Variants in UNC93A observed in about 807,000 individuals in gnomAD.
UNC93A encodes the protein N-acetylglucosamine transporter UNC93A.
In UNC93A, 43 loss-of-function variants were observed where a neutral mutation model predicts 47.5. That is an observed-to-expected ratio of 0.91 (90% confidence interval 0.71 to 1.17). The LOEUF (loss-of-function observed/expected upper bound fraction) is 1.17. UNC93A is among the 50% of genes most tolerant of loss of function. UNC93A has a pLI of 0.00. For missense variants in UNC93A, 605 were observed against 577.6 expected, an observed-to-expected ratio of 1.05 and a Z score of -0.49; for synonymous variants, 280 against 258.0, an observed-to-expected ratio of 1.09 and a Z score of -0.82.
chr6:167,304,189 C>G, intron 5 of UNC93A, 56 bp downstream of exon 5: 2 of 1,591,864 alleles, frequency 1.3e-6, no homozygotes, highest in South Asian at 2.2e-5. Flanking sequence ...CACTGCCTTG[C>G]CTGTGTCTGT....
intron 3 of UNC93A, among the ~76,000 whole-genome samples, chr6:167,297,518 T>C (rs1193925098): frequency 6.6e-6 from 1 of 152,206 alleles, no homozygotes; most frequent in Admixed American, 6.5e-5. Context: ...AGAAAAGTTA[T>C]GAAATCACCT....
intron 1 of UNC93A, among the ~76,000 whole-genome samples, chr6:167,272,818 T>G (rs1425131168): frequency 1.3e-5 from 2 of 152,168 alleles, no homozygotes; most frequent in Admixed American, 6.5e-5. Context: ...AGAGGAAGCC[T>G]TCAGGTAGCA....
At chr6:167,271,556 T>C (rs748400925) in intron 1 of UNC93A, 5 of 152,172 alleles carry the variant, frequency 3.3e-5, no homozygotes, top group Non-Finnish European at 7.3e-5. Flanking sequence ...AGGGCAGTTG[T>C]ATTTTTGGTT....
chr6:167,282,877 A>G (rs1783656928), intron 1 of UNC93A, among the ~76,000 whole-genome samples: 1 of 152,208 alleles, frequency 6.6e-6, no homozygotes, highest in Non-Finnish European at 1.5e-5. Flanking sequence ...CTTCCGGGTC[A>G]GAGGTGAATT....
intron 7 of UNC93A, among the ~76,000 whole-genome samples, chr6:167,312,637 A>G (rs1471873820): frequency 5.3e-5 from 8 of 152,224 alleles, no homozygotes; most frequent in Non-Finnish European, 1.2e-4. Context: ...TCCGGCAGCC[A>G]GAAGCCTGGT....
chr6:167,289,752 A>T (rs1038745853), upstream of UNC93A, among the ~76,000 whole-genome samples: 1 of 151,284 alleles, frequency 6.6e-6, no homozygotes, highest in African/African-American at 2.4e-5. Context: ...TAATATCAAA[A>T]TACAGGTCAT....
At chr6:167,301,493 T>C (rs1778238891) in intron 4 of UNC93A, among the ~76,000 whole-genome samples, 1 of 152,190 alleles carries the variant, frequency 6.6e-6, no homozygotes, top group Admixed American at 6.5e-5. Flanking sequence ...GTAACTTTCC[T>C]GGGTTTCTGA....
chr6:167,295,690 T>TCCCTC (rs1778059341), intron 2 of UNC93A, among the ~76,000 whole-genome samples: 1 of 133,038 alleles, frequency 7.5e-6, no homozygotes, highest in Non-Finnish European at 1.6e-5. Context: ...GCTCCTCGCC[T>TCCCTC]GCCTCGTGCT....
rs1562359318 is a variant in UNC93A, at chr6:167,307,782, C to CCACCGCGTGGCA, written c.980_981insCACCGCGTGGCA (p.Ala327_Val328insThrAlaTrpGln). 4.4e-6 allele frequency: 7 copies of CCACCGCGTGGCA among 1,593,170 alleles called. No homozygotes were observed. In the Middle Eastern group the frequency reaches 6.6e-4, roughly 151 times the overall value. On this transcript the variant is annotated inframe_insertion, in exon 7 of 8. Coordinates refer to ENST00000230256, the MANE Select transcript of UNC93A (RefSeq NM_018974.4). Reference sequence around the variant, plus strand: ...GGTTTCCCCTCTGCACCCCCAGGCGCGGTGACCCACGTGTCCTGCATGATT... The same window carrying CCACCGCGTGGCA: ...GGTTTCCCCTCTGCACCCCCAGGCGCCACCGCGTGGCAGGTGACCCACGTGTCCTGCATGATT...
intron 1 of UNC93A, among the ~76,000 whole-genome samples, chr6:167,276,317 G>A (rs1346747540): frequency 7.5e-6 from 1 of 133,462 alleles, no homozygotes; most frequent in Non-Finnish European, 1.5e-5. Context: ...TGAATGTGGG[G>A]CAGATGTCTC....
intron 1 of UNC93A, among the ~76,000 whole-genome samples, chr6:167,276,600 CT>C (rs1221517855): frequency 6.6e-6 from 1 of 152,156 alleles, no homozygotes; most frequent in Non-Finnish European, 1.5e-5. Context: ...GAGCCTACTC[CT>C]GCCACATCCA....
In UNC93A at chr6:167,296,189, CTCATA is replaced by C. The variant is rs1429854770; in HGVS notation, c.429_433del (p.Ile144ProfsTer36). The C allele has an allele frequency of 6.2e-7, 1 of 1,614,242 alleles. No individual in the cohort carries two copies. Among genetic ancestry groups the C allele is most frequent in the South Asian group, 1.1e-5 (1 of 91,090 alleles). On this transcript the variant is annotated frameshift_variant, in exon 3 of 8. Coordinates refer to ENST00000230256, the MANE Select transcript of UNC93A (RefSeq NM_018974.4). LOFTEE classifies it high-confidence loss of function. ...GAACCAGTATTTTGGCATCTTCTTCCTCATATTCCAGTCATCCGGTGTGTGGGGCA... is the reference window on the plus strand; with the variant it reads ...GAACCAGTATTTTGGCATCTTCTTCCTTCCAGTCATCCGGTGTGTGGGGCA...
At chr6:167,291,654 G>A in intron 1 of UNC93A, 78 bp downstream of exon 1, 3 of 1,381,730 alleles carry the variant, frequency 2.2e-6, no homozygotes, top group Non-Finnish European at 3.0e-6. Context: ...ATAATGAATT[G>A]GAAATTTGAA....
intron 7 of UNC93A, among the ~76,000 whole-genome samples, chr6:167,313,301 C>T (rs1046703464): frequency 6.6e-6 from 1 of 152,176 alleles, no homozygotes; most frequent in African/African-American, 2.4e-5. Context: ...AGCTCTTTCT[C>T]TCTTTGTTGT....
Position 167,282,143 on chromosome 6 carries a change from G to A in UNC93A, c.-51-9296G>A, listed in dbSNP as rs189204024. On this transcript the variant is annotated intron_variant, in intron 1 of 3. Transcript: ENST00000503433. ...GGCTTATCGTAGACTTTCCTGGGACGGTAGACAAGTTTCAGACAGGGTGAT... is the reference window on the plus strand; with the variant it reads ...GGCTTATCGTAGACTTTCCTGGGACAGTAGACAAGTTTCAGACAGGGTGAT... 1.6e-3 allele frequency among the ~76,000 whole-genome samples: 243 copies of A among 152,260 alleles called. 1 individual carries two copies. The highest frequency in any genetic ancestry group is 2.6e-3 in the Non-Finnish European group (174 of 68,018).
intron 4 of UNC93A, among the ~76,000 whole-genome samples, chr6:167,298,667 C>T (rs529894073): frequency 6.6e-6 from 1 of 152,124 alleles, no homozygotes; most frequent in South Asian, 2.1e-4. Flanking sequence ...AGTTAATTGT[C>T]ATGACGAGGC....
chr6:167,270,437 C>A (rs1215966549), upstream of UNC93A, among the ~76,000 whole-genome samples: 1 of 151,968 alleles, frequency 6.6e-6, no homozygotes, highest in African/African-American at 2.4e-5. Flanking sequence ...TGTCAGGGAG[C>A]TTTCAGTGGG....
chr6:167,303,926 T>G lies in UNC93A; in HGVS notation c.633T>G (p.Gly211=), dbSNP rs1778309602. Residue 211 remains glycine (G), a synonymous_variant, in exon 5 of 8, where the codon GGT becomes GGG. Coordinates refer to ENST00000230256, the MANE Select transcript of UNC93A (RefSeq NM_018974.4). ...YTLLGIYTGS[G]VLAVLMIAAF... ...TTTGCTATGTCCTTTCAGGGAGTGG[T>G]GTCCTGGCTGTCCTGATGATAGCTG... 3.1e-6 allele frequency: 5 copies of G among 1,613,712 alleles called. No homozygotes were observed. Among genetic ancestry groups the G allele is most frequent in the Non-Finnish European group, 4.2e-6 (5 of 1,179,982 alleles).
chr6:167,271,609 C>T (rs1241268569), intron 1 of UNC93A, among the ~76,000 whole-genome samples: 7 of 152,126 alleles, frequency 4.6e-5, no homozygotes, highest in Non-Finnish European at 8.8e-5. Context: ...AAGTGGGACA[C>T]ACATATGGGA....
Sources: gnomAD v4.1 joint callset for allele counts (sites outside exome capture counted in the v4.1 genomes callset) on GRCh38, gnomAD v4.1.1 for gene constraint, MANE v1.5 for transcripts, NCBI Gene and HGNC (gene_info 2026-07-23, HGNC 2026-07-21) for gene names.